RLF: variants seen among roughly 807,000 people sequenced by gnomAD.
RLF encodes the protein RLF zinc finger.
RLF carries 7 observed loss-of-function variants against 162.9 expected under a neutral mutation model. The observed-to-expected ratio is 0.04, with a 90% CI of 0.02 to 0.08. The LOEUF is 0.08. Ranked by LOEUF, RLF falls within the 10% of genes least tolerant of loss-of-function variation. RLF has a pLI of 1.00. For missense variants in RLF, 1,664 were observed against 2,244.7 expected, an observed-to-expected ratio of 0.74 and a Z score of 5.23; for synonymous variants, 782 against 791.5, an observed-to-expected ratio of 0.99 and a Z score of 0.20.
Position 40,225,615 on chromosome 1 carries a change from G to T in RLF, c.947+2905G>T, listed in dbSNP as rs183844283. On this transcript the variant is annotated intron_variant, in intron 6 of 7. Coordinates refer to ENST00000372771, the MANE Select transcript of RLF (RefSeq NM_012421.4). ...AAAAAAGCCGGGCGCGGTGGCTCAT[G>T]CCTGTAATCCCAGCACTTTGGGAGG... Among the ~76,000 whole-genome samples, 687 of 148,932 alleles carry T rather than the reference G, an allele frequency of 4.6e-3. 8 individuals are homozygous for T. Among genetic ancestry groups the T allele is most frequent in the African/African-American group, 0.016 (648 of 40,188 alleles).
chr1:40,234,939 T>C (rs1643197879), intron 7 of RLF, among the ~76,000 whole-genome samples: 1 of 152,184 alleles, frequency 6.6e-6, no homozygotes, highest in Non-Finnish European at 1.5e-5. Context: ...AAAGCTGAGA[T>C]TCAGTACACC....
intron 6 of RLF, among the ~76,000 whole-genome samples, chr1:40,231,249 G>GT (rs962884877): frequency 1.3e-5 from 2 of 152,020 alleles, no homozygotes; most frequent in African/African-American, 2.4e-5. Flanking sequence ...ATCTAAATAA[G>GT]TTTTTTTTAA....
chr1:40,170,442 G>T lies in RLF; in HGVS notation c.237+8806G>T, dbSNP rs1298171903. Among the ~76,000 whole-genome samples the T allele has an allele frequency of 3.3e-5, 5 of 151,838 alleles. No individual in the cohort carries two copies. The East Asian group carries it at 9.7e-4, about 29-fold the overall frequency. On this transcript the variant is annotated intron_variant, in intron 1 of 7. Coordinates refer to ENST00000372771, the MANE Select transcript of RLF (RefSeq NM_012421.4). ...CACGCCCTGCTAATTTTTGTATTTT[G>T]TAGAGATAGGGTTTCGCCACGTTGT...
At chr1:40,219,742 G>T (rs150328038) in intron 5 of RLF, among the ~76,000 whole-genome samples, 3 of 152,260 alleles carry the variant, frequency 2.0e-5, no homozygotes, top group South Asian at 2.1e-4. Flanking sequence ...AGGCATATTC[G>T]TGTATTTTAA....
At position 40,180,592 on chromosome 1, in the gene RLF, T is replaced by C. The variant is rs540206561; in HGVS notation, c.238-8463T>C. Among the ~76,000 whole-genome samples, 40 of 152,256 alleles carry C rather than the reference T, an allele frequency of 2.6e-4. 1 individual carries two copies. The South Asian group carries it at 7.7e-3, about 29-fold the overall frequency. ...TATTTTACATGATAGTCAATCCTAA[T>C]GGGTGCGAAGTCGTATCTCATTGTG... is the stretch of plus-strand genomic sequence containing the variant. On this transcript the variant is annotated intron_variant, in intron 1 of 7. Transcript: ENST00000372771.
At position 40,190,714 on chromosome 1, in the gene RLF, A is replaced by G. The variant is rs574809556; in HGVS notation, c.393-58A>G. ...AAAATAGATTTTTAGTATTGCTGTC[A>G]TACTCTACTTAATTATTACTATAAC... On this transcript the variant is annotated intron_variant, in intron 2 of 7. Transcript: ENST00000372771. 2.5e-5 allele frequency: 27 copies of G among 1,088,514 alleles called. No homozygotes were observed. The Admixed American group carries it at 3.1e-4, about 12-fold the overall frequency. 67.4% of individuals were successfully genotyped at this position (1,088,514 alleles called of 1,614,324 possible).
At chr1:40,193,809 G>A (rs61780455) in intron 3 of RLF, among the ~76,000 whole-genome samples, 7,933 of 152,158 alleles carry the variant, frequency 0.052, 602 homozygotes, top group African/African-American at 0.17. Flanking sequence ...TTAACATGAA[G>A]GTTAAGGGAT....
At chr1:40,185,658 A>G (rs909662843) in intron 1 of RLF, among the ~76,000 whole-genome samples, 4 of 119,560 alleles carry the variant, frequency 3.3e-5, no homozygotes, top group African/African-American at 9.9e-5. Context: ...TAAAAATACA[A>G]AAAAAAAAAA....
At chr1:40,189,759 G>A (rs990579513) in intron 2 of RLF, among the ~76,000 whole-genome samples, 2 of 151,778 alleles carry the variant, frequency 1.3e-5, no homozygotes, top group Non-Finnish European at 2.9e-5. Context: ...CCAAGATGGC[G>A]CCACTGCACT....
In RLF at chr1:40,238,667, C is replaced by T; in HGVS notation, c.3965C>T (p.Thr1322Ile). 6.2e-7 allele frequency: 1 copy of T among 1,613,446 alleles called. No individual in the cohort carries two copies. Among genetic ancestry groups the T allele is most frequent in the Admixed American group, 1.7e-5 (1 of 59,974 alleles). The change falls in exon 8 of 8, where the codon ACC becomes ATC. Residue 1322 changes from threonine (T) to isoleucine (I), a missense_variant. Coordinates refer to ENST00000372771, the MANE Select transcript of RLF (RefSeq NM_012421.4). This position sits in a 1 kb window ranked among gnomAD's most constrained non-coding sequence, Gnocchi z 5.2. ...CIHKTCNSSF[T>I]NLKGLIRHYR... Reference sequence around the variant, plus strand: ...CATAAAACTTGCAACTCCTCATTCACCAATCTAAAAGGCTTAATTCGCCAT... The same window carrying T: ...CATAAAACTTGCAACTCCTCATTCATCAATCTAAAAGGCTTAATTCGCCAT...
chr1:40,240,060 T>C lies in RLF; in HGVS notation c.5358T>C (p.Asp1786=). ...FIQESEEKED[D]FDDWEPSEHL... is the part of the protein sequence containing the mutation. ...AGGAAAGTGAAGAGAAAGAAGATGA[T>C]TTTGATGATTGGGAGCCTTCAGAGC... is the stretch of plus-strand genomic sequence containing the variant. The change falls in exon 8 of 8, where the codon GAT becomes GAC. Residue 1786 remains aspartate, a synonymous_variant. Coordinates refer to ENST00000372771, the MANE Select transcript of RLF (RefSeq NM_012421.4). The C allele has an allele frequency of 6.2e-7, 1 of 1,614,104 alleles. No individual in the cohort carries two copies. Among genetic ancestry groups the C allele is most frequent in the Non-Finnish European group, 8.5e-7 (1 of 1,179,976 alleles).
At chr1:40,184,429 A>G (rs1482852717) in intron 1 of RLF, among the ~76,000 whole-genome samples, 1 of 152,236 alleles carries the variant, frequency 6.6e-6, no homozygotes, top group Non-Finnish European at 1.5e-5. Flanking sequence ...TTTCTGAGAT[A>G]GAATCAACAA....
In RLF at chr1:40,236,573, C is replaced by T; in HGVS notation, c.1871C>T (p.Ser624Phe). The change falls in exon 8 of 8, where the codon TCT (serine) becomes TTT (phenylalanine). Residue 624 changes from serine (S) to phenylalanine (F), a missense_variant. Around this residue, in one of 15 missense-constraint regions of RLF, gnomAD observed 50 missense variants for 46.7 expected, o/e 1.07. Transcript: ENST00000372771. The surrounding 1 kb of genome is among the most constrained non-coding windows in gnomAD (Gnocchi z 7.7). Reference sequence around the variant, plus strand: ...AAAAAGAAATTACTGTTAAAAGGCTCTCAAAAGGGTATTTGTCCTAAGAGC... The same window carrying T: ...AAAAAGAAATTACTGTTAAAAGGCTTTCAAAAGGGTATTTGTCCTAAGAGC... ...RSKKKLLLKG[S>F]QKGICPKSPS... The T allele has an allele frequency of 6.2e-7, 1 of 1,614,120 alleles. No homozygotes were observed. Among genetic ancestry groups the T allele is most frequent in the Non-Finnish European group, 8.5e-7 (1 of 1,180,004 alleles).
intron 7 of RLF, among the ~76,000 whole-genome samples, chr1:40,234,025 T>C (rs1643186675): frequency 6.6e-6 from 1 of 152,248 alleles, no homozygotes; most frequent in South Asian, 2.1e-4. Flanking sequence ...CTCAGCTCAC[T>C]GCAACCTCCG....
In RLF at chr1:40,237,944, T is replaced by C; in HGVS notation, c.3242T>C (p.Phe1081Ser). Residue 1081 changes from phenylalanine to serine, a missense_variant, in exon 8 of 8, where the codon TTC becomes TCC. Physicochemically the swap from Phe to Ser is radical, Grantham distance 155 (BLOSUM62 -2). This residue lies in a region of RLF where 295 missense variants were observed against 317.4 expected (regional missense o/e 0.93). Coordinates refer to ENST00000372771, the MANE Select transcript of RLF (RefSeq NM_012421.4). The surrounding 1 kb of genome is among the most constrained non-coding windows in gnomAD (Gnocchi z 4.4). ...SLKNSITHGS[F>S]SGSLQGYPSS... is the part of the protein sequence containing the mutation. ...AAAAACTCAATAACACATGGATCTT[T>C]CTCAGGGTCATTGCAGGGGTACCCA... 3 of 1,614,160 alleles carry C rather than the reference T, an allele frequency of 1.9e-6. No individual in the cohort carries two copies. Among genetic ancestry groups the C allele is most frequent in the East Asian group, 4.5e-5 (2 of 44,884 alleles).
chr1:40,220,894 G>A (rs1642983420), intron 5 of RLF, among the ~76,000 whole-genome samples: 1 of 151,596 alleles, frequency 6.6e-6, no homozygotes, highest in Non-Finnish European at 1.5e-5. Context: ...GAGAGGCTGA[G>A]GGAGGAGGGA....
intron 4 of RLF, among the ~76,000 whole-genome samples, chr1:40,202,033 C>T (rs1171053806): frequency 6.6e-6 from 1 of 152,116 alleles, no homozygotes; most frequent in African/African-American, 2.4e-5. Flanking sequence ...TACCTAACTT[C>T]TGTGAATATT....
At chr1:40,205,428 TA>T (rs527433607) in intron 5 of RLF, among the ~76,000 whole-genome samples, 37 of 152,138 alleles carry the variant, frequency 2.4e-4, no homozygotes, top group African/African-American at 8.7e-4. Context: ...TCTGGCTTTT[TA>T]AGCATAATTT....
chr1:40,176,570 G>A (rs142312798), intron 1 of RLF, among the ~76,000 whole-genome samples: 2,492 of 152,254 alleles, frequency 0.016, 66 homozygotes, highest in African/African-American at 0.057. Context: ...CTCCCAAATA[G>A]CTGGGACCAC....
Sources: gnomAD v4.1 joint callset for allele counts (sites outside exome capture counted in the v4.1 genomes callset) on GRCh38, gnomAD v4.1.1 for gene constraint, gnomAD v4.1.1 regional missense constraint, Gnocchi (gnomAD v3.1) non-coding constraint, MANE v1.5 for transcripts, NCBI Gene and HGNC (gene_info 2026-07-23, HGNC 2026-07-21) for gene names.